Variants in VHL observed in about 807,000 individuals in gnomAD.
VHL encodes von Hippel-Lindau tumor suppressor, also known as von Hippel-Lindau disease tumor suppressor.
VHL carries 10 observed loss-of-function variants against 19.2 expected under a neutral mutation model. The ratio of observed to expected loss-of-function variants is 0.52; its 90% confidence interval spans 0.32 to 0.89. VHL has a LOEUF of 0.89. VHL is among the 40% of genes least tolerant of loss of function. The pLI, the probability that VHL is intolerant of heterozygous loss-of-function variation, is 0.03. For synonymous variants in VHL, 167 were observed against 129.5 expected, an observed-to-expected ratio of 1.29 and a Z score of -1.97; for missense variants, 328 against 292.7, an observed-to-expected ratio of 1.12 and a Z score of -0.88.
intron 1 of VHL, among the ~76,000 whole-genome samples, chr3:10,145,511 C>T (rs1329743919): frequency 6.6e-6 from 1 of 152,018 alleles, no homozygotes; most frequent in African/African-American, 2.4e-5. Flanking sequence ...TGAGACCATC[C>T]TGGCTAATAC....
At position 10,149,922 on chromosome 3, in the gene VHL, G is replaced by A. The variant is rs754016774; in HGVS notation, c.599G>A (p.Arg200Gln). The change falls in exon 3 of 3, where the codon CGG (arginine) becomes CAG (glutamine). Residue 200 changes from arginine to glutamine, a missense_variant. Arg to Gln is a conservative substitution (Grantham distance 43). Transcript: ENST00000256474. ...CCAAATGTGCAGAAAGACCTGGAGC[G>A]GCTGACACAGGAGCGCATTGCACAT... is the stretch of plus-strand genomic sequence containing the variant. ...DHPNVQKDLE[R>Q]LTQERIAHQR... 19 of 1,614,036 alleles carry A rather than the reference G, an allele frequency of 1.2e-5. No individual in the cohort carries two copies. Among genetic ancestry groups the A allele is most frequent in the Non-Finnish European group, 1.4e-5 (16 of 1,180,042 alleles).
At chr3:10,149,635 A>G in intron 2 of VHL, 152 bp from the exon 3 acceptor site, 1 of 721,418 alleles carries the variant, frequency 1.4e-6, no homozygotes, top group Non-Finnish European at 2.5e-6. Flanking sequence ...GGCCATCAGC[A>G]TAACACACTG....
chr3:10,148,880 C>T (rs1479750984), intron 2 of VHL, among the ~76,000 whole-genome samples: 2 of 151,048 alleles, frequency 1.3e-5, no homozygotes, highest in Non-Finnish European at 2.9e-5. Context: ...ACCATGTTGA[C>T]CAGGCTGATC....
At chr3:10,142,397 G>T (rs1260281680) in intron 1 of VHL, 2 of 602,218 alleles carry the variant, frequency 3.3e-6, no homozygotes, top group Non-Finnish European at 5.6e-6. Context: ...CCAGGCTGGA[G>T]TGCAGTGGCG....
At chr3:10,146,459 C>T (rs2125128102) in intron 1 of VHL, 55 bp from the exon 2 acceptor site, 2 of 1,608,014 alleles carry the variant, frequency 1.2e-6, no homozygotes, top group Non-Finnish European at 1.7e-6. Context: ...CAGGTGTGGG[C>T]CACCGTGCCC....
Position 10,142,034 on chromosome 3 carries a change from C to T in VHL, c.187C>T (p.Leu63=). The T allele has an allele frequency of 1.9e-6, 3 of 1,600,804 alleles. No homozygotes were observed. The highest frequency in any genetic ancestry group is 1.7e-4 in the Middle Eastern group (1 of 6,040). Reference sequence around the variant, plus strand: ...GGAGGCCGGGCGGCCGCGGCCCGTGCTGCGCTCGGTGAACTCGCGCGAGCC... The same window carrying T: ...GGAGGCCGGGCGGCCGCGGCCCGTGTTGCGCTCGGTGAACTCGCGCGAGCC... ...EMEAGRPRPV[L]RSVNSREPSQ... is the part of the protein sequence containing the mutation. The change falls in exon 1 of 3, where the codon CTG becomes TTG. Residue 63 remains leucine (L), a synonymous_variant. Transcript: ENST00000256474.
chr3:10,142,305 A>G (rs1009361638), intron 1 of VHL, 118 bp downstream of exon 1: 4 of 1,033,734 alleles, frequency 3.9e-6, no homozygotes, highest in Non-Finnish European at 5.6e-6. Flanking sequence ...GGCAGGACAC[A>G]TCCAGGGTGA....
At chr3:10,146,714 G>C (rs2125128674) in intron 2 of VHL, 78 bp downstream of exon 2, 1 of 1,596,412 alleles carries the variant, frequency 6.3e-7, no homozygotes, top group Middle Eastern at 1.7e-4. Flanking sequence ...ATTAAGCCCA[G>C]TTCTCAATTT....
rs1305068712 is a variant in VHL at position 10,150,962 on chromosome 3, C to T, written c.*997C>T. On this transcript the variant is annotated 3_prime_UTR_variant, in exon 3 of 3. Coordinates refer to ENST00000256474, the MANE Select transcript of VHL (RefSeq NM_000551.4). ...AGGCTGGAGTGCAGTGGCGCCATCT[C>T]GGCTCACTGCAACCTCTGCCTCCTG... 8 of 200,700 alleles carry T rather than the reference C, an allele frequency of 4.0e-5. No homozygotes were observed. The highest frequency in any genetic ancestry group is 1.6e-3 in the Middle Eastern group (1 of 622). The allele number at this position is 200,700 out of a possible 1,614,324, so 12.4% of individuals were successfully genotyped here. A position where few individuals can be genotyped will look rare whatever the true frequency, so the allele number is the denominator to read the frequency against.
Position 10,141,787 on chromosome 3 carries a change from CCCCGCGTCCGACCCGCGGAT to C in VHL, c.-54_-35del. 3.3e-6 allele frequency: 5 copies of C among 1,524,532 alleles called. No individual in the cohort carries two copies. The highest frequency in any genetic ancestry group is 4.4e-6 in the Non-Finnish European group (5 of 1,129,950). The allele number at this position is 1,524,532 out of a possible 1,614,324, so 94.4% of individuals were successfully genotyped here. A position where few individuals can be genotyped will look rare whatever the true frequency, so the allele number is the denominator to read the frequency against. On this transcript the variant is annotated 5_prime_UTR_variant, in exon 1 of 3. Transcript: ENST00000256474. ...ACTCGGGAGCGCGCACGCAGCTCCGCCCCGCGTCCGACCCGCGGATCCCGCGGCGTCCGGCCCGGGTGGTC... is the reference window on the plus strand; with the variant it reads ...ACTCGGGAGCGCGCACGCAGCTCCGCCCCGCGGCGTCCGGCCCGGGTGGTC...
Position 10,152,999 on chromosome 3 carries a change from G to A in VHL, c.*3034G>A, listed in dbSNP as rs1189842271. ...CTCCACTTAAAATACAAAAATTGCC[G>A]GCCGCGGCGGCTCATGCCTGTAATC... On this transcript the variant is annotated 3_prime_UTR_variant, in exon 3 of 3. Coordinates refer to ENST00000256474, the MANE Select transcript of VHL (RefSeq NM_000551.4). Among the ~76,000 whole-genome samples the A allele has an allele frequency of 1.3e-5, 2 of 151,858 alleles. No individual in the cohort carries two copies. Among genetic ancestry groups the A allele is most frequent in the South Asian group, 2.1e-4 (1 of 4,816 alleles).
chr3:10,144,471 G>A (rs1237567756), intron 1 of VHL, among the ~76,000 whole-genome samples: 1 of 148,322 alleles, frequency 6.7e-6, no homozygotes, highest in African/African-American at 2.5e-5. Context: ...TGGTAACACA[G>A]CAAGACCCTG....
chr3:10,141,803 C>T lies in VHL; in HGVS notation c.-45C>T, dbSNP rs372483939. ...GCAGCTCCGCCCCGCGTCCGACCCG[C>T]GGATCCCGCGGCGTCCGGCCCGGGT... is the stretch of plus-strand genomic sequence containing the variant. On this transcript the variant is annotated 5_prime_UTR_variant, in exon 1 of 3. Transcript: ENST00000256474. 4.3e-5 allele frequency: 66 copies of T among 1,535,064 alleles called. No homozygotes were observed. The highest frequency in any genetic ancestry group is 5.6e-5 in the Non-Finnish European group (64 of 1,139,692).
At chr3:10,149,253 C>T (rs1173569406) in intron 2 of VHL, among the ~76,000 whole-genome samples, 3 of 152,016 alleles carry the variant, frequency 2.0e-5, no homozygotes, top group Non-Finnish European at 4.4e-5. Context: ...GCTGGGACCA[C>T]AGGCATGTGC....
At chr3:10,143,781 C>G (rs1031590754) in intron 1 of VHL, among the ~76,000 whole-genome samples, 1 of 152,150 alleles carries the variant, frequency 6.6e-6, no homozygotes, top group African/African-American at 2.4e-5. Flanking sequence ...AGGGACATGA[C>G]ATTGTCAGAT....
rs752980085 is a variant in VHL, at chr3:10,142,014, C to A, written c.167C>A (p.Ala56Asp). The change falls in exon 1 of 3, where the codon GCC becomes GAC. Residue 56 changes from alanine to aspartate, a missense_variant. Physicochemically the swap from Ala to Asp is moderately radical, Grantham distance 126. Transcript: ENST00000256474. ...EELGAEEEMEAGRPRPVLRSV... is the reference protein window; with the variant it reads ...EELGAEEEMEDGRPRPVLRSV... ...CTGGGCGCCGAGGAGGAGATGGAGG[C>A]CGGGCGGCCGCGGCCCGTGCTGCGC... The A allele has an allele frequency of 3.8e-6, 6 of 1,589,792 alleles. No homozygotes were observed. In the South Asian group the frequency reaches 6.8e-5, roughly 18 times the overall value.
intron 1 of VHL, chr3:10,142,424 C>T: frequency 5.5e-6 from 3 of 543,260 alleles, no homozygotes; most frequent in Non-Finnish European, 9.6e-6. Context: ...CGACTCACTG[C>T]AGCCTCCGCC....
At chr3:10,145,802 G>C (rs1696241770) in intron 1 of VHL, among the ~76,000 whole-genome samples, 1 of 152,042 alleles carries the variant, frequency 6.6e-6, no homozygotes, top group African/African-American at 2.4e-5. Flanking sequence ...CTCTCGACAT[G>C]TTTTTGCACT....
At chr3:10,148,340 A>G (rs1006632967) in intron 2 of VHL, among the ~76,000 whole-genome samples, 3 of 125,426 alleles carry the variant, frequency 2.4e-5, no homozygotes, top group Non-Finnish European at 3.2e-5. Flanking sequence ...TTTGAGACGG[A>G]GTCTCGCTCT....
Sources: gnomAD v4.1 joint callset for allele counts (sites outside exome capture counted in the v4.1 genomes callset) on GRCh38, gnomAD v4.1.1 for gene constraint, MANE v1.5 for transcripts, NCBI Gene and HGNC (gene_info 2026-07-23, HGNC 2026-07-21) for gene names.